Variants in LYN observed in about 807,000 individuals in gnomAD.
LYN encodes the protein LYN proto-oncogene, Src family tyrosine kinase, also known as tyrosine-protein kinase Lyn.
A neutral mutation model predicts 65.0 loss-of-function variants in LYN; 12 were observed. That is an observed-to-expected ratio of 0.18 (90% CI 0.12 to 0.30). LYN has a LOEUF of 0.30. LYN is among the 10% of genes least tolerant of loss of function. LYN has a pLI of 1.00. For synonymous variants in LYN, 222 were observed against 221.2 expected (o/e 1.00, Z -0.03); for missense variants, 380 against 623.2 (o/e 0.61, Z 4.16).
intron 1 of LYN, among the ~76,000 whole-genome samples, chr8:55,903,053 C>T (rs562405703): frequency 4.4e-4 from 67 of 152,260 alleles, no homozygotes; most frequent in African/African-American, 1.4e-3. Context: ...TTCACCATAT[C>T]GGCCAGGCTG....
chr8:55,923,830 C>T (rs920723850), intron 1 of LYN, among the ~76,000 whole-genome samples: 8 of 151,750 alleles, frequency 5.3e-5, no homozygotes, highest in Admixed American at 2.6e-4. Context: ...TGAGCCACCG[C>T]GCCCGGCCAA....
Position 55,879,885 on chromosome 8 carries a change from G to T in LYN, c.-224G>T, listed in dbSNP as rs1804593948. 5.3e-6 allele frequency: 1 copy of T among 188,832 alleles called. No individual in the cohort carries two copies. The highest frequency in any genetic ancestry group is 5.8e-4 in the Middle Eastern group (1 of 1,722). 11.7% of individuals were successfully genotyped at this position (188,832 alleles called of 1,614,324 possible). On this transcript the variant is annotated 5_prime_UTR_variant, in exon 1 of 13. Transcript: ENST00000519728. Reference sequence around the variant, plus strand: ...GCGCTGCCGCTCGCTCCCCGGCCGTGGCGCCTCCGGGCCAGACGCGCTGCA... The same window carrying T: ...GCGCTGCCGCTCGCTCCCCGGCCGTTGCGCCTCCGGGCCAGACGCGCTGCA...
rs796254670 is a variant in LYN, at chr8:55,911,215, G to GTA, written c.-5-30629_-5-30628dup. Among the ~76,000 whole-genome samples, 16 of 11,590 alleles carry GTA rather than the reference G, an allele frequency of 1.4e-3. 3 individuals carry two copies. The highest frequency in any genetic ancestry group is 2.6e-3 in the African/African-American group (16 of 6,144). The allele number at this position is 11,590 out of a possible 152,430, so 7.6% of individuals were successfully genotyped here. On this transcript the variant is annotated intron_variant, in intron 1 of 12. Coordinates refer to ENST00000519728, the MANE Select transcript of LYN (RefSeq NM_002350.4). ...CACACACACATATATATATACACGTGTATATATATATACATATACATATAT... is the reference window on the plus strand; with the variant it reads ...CACACACACATATATATATACACGTGTATATATATATATACATATACATATAT...
intron 1 of LYN, among the ~76,000 whole-genome samples, chr8:55,924,700 A>G (rs1563513013): frequency 6.6e-6 from 1 of 152,122 alleles, no homozygotes; most frequent in Non-Finnish European, 1.5e-5. Flanking sequence ...GGATCCAGCC[A>G]TGACCTTCCA....
intron 1 of LYN, among the ~76,000 whole-genome samples, chr8:55,937,686 T>C (rs1806475324): frequency 6.6e-6 from 1 of 151,854 alleles, no homozygotes; most frequent in South Asian, 2.1e-4. Flanking sequence ...TAAGAGTGAG[T>C]TTTGTTTTGT....
intron 8 of LYN, 95 bp downstream of exon 8, chr8:55,954,079 C>T (rs767713659): frequency 7.6e-7 from 1 of 1,318,530 alleles, no homozygotes; most frequent in South Asian, 1.3e-5. Flanking sequence ...GAGCCAGACA[C>T]TAAATTATGT....
intron 12 of LYN, among the ~76,000 whole-genome samples, chr8:56,004,035 C>T (rs1225424893): frequency 2.0e-5 from 3 of 147,436 alleles, no homozygotes; most frequent in Admixed American, 7.0e-5. Flanking sequence ...TGAGTTCAAG[C>T]GATTCTCCTG....
rs1288073163 is a variant in LYN at position 55,969,806 on chromosome 8, A to G, written c.1050+13A>G. The G allele has an allele frequency of 1.9e-6, 3 of 1,613,088 alleles. No individual in the cohort carries two copies. Among genetic ancestry groups the G allele is most frequent in the Non-Finnish European group, 2.5e-6 (3 of 1,179,134 alleles). ...CTTTTCTGCTCAGGTAACATATTCA[A>G]AAAGCCCCGTGTGCACGTGCATTTG... On this transcript the variant is annotated intron_variant, in intron 10 of 12. Transcript: ENST00000519728.
At chr8:55,905,727 C>T (rs772632989) in intron 1 of LYN, among the ~76,000 whole-genome samples, 10 of 152,144 alleles carry the variant, frequency 6.6e-5, no homozygotes, top group Non-Finnish European at 1.3e-4. Flanking sequence ...CCTCACTCCT[C>T]TCCCATCTGT....
At chr8:55,998,599 A>G in intron 11 of LYN, 100 bp downstream of exon 11, 1 of 1,104,708 alleles carries the variant, frequency 9.1e-7, no homozygotes, top group Non-Finnish European at 1.3e-6. Context: ...ATTAAGAAAA[A>G]CTTATTTGGT....
intron 10 of LYN, among the ~76,000 whole-genome samples, chr8:55,983,537 C>A (rs1807988901): frequency 6.6e-6 from 1 of 150,968 alleles, no homozygotes; most frequent in South Asian, 2.1e-4. Context: ...TTCTTCCCCA[C>A]CCGCCCTCTC....
intron 1 of LYN, among the ~76,000 whole-genome samples, chr8:55,929,700 T>C (rs1806204817): frequency 1.3e-5 from 2 of 152,318 alleles, no homozygotes; most frequent in East Asian, 1.9e-4. Context: ...ATCCAGTGGG[T>C]AGAGGCCAAG....
At chr8:55,897,671 G>A (rs1261572044) in intron 1 of LYN, among the ~76,000 whole-genome samples, 5 of 152,104 alleles carry the variant, frequency 3.3e-5, no homozygotes, top group Non-Finnish European at 5.9e-5. Context: ...TAGCACTTTG[G>A]GAGGCCGAGG....
intron 1 of LYN, among the ~76,000 whole-genome samples, chr8:55,926,375 T>C (rs1482492518): frequency 6.6e-6 from 1 of 152,254 alleles, no homozygotes; most frequent in Non-Finnish European, 1.5e-5. Context: ...TGACTATGCA[T>C]GTATAGATGT....
intron 1 of LYN, among the ~76,000 whole-genome samples, chr8:55,939,000 A>G (rs983914780): frequency 2.0e-5 from 3 of 152,264 alleles, no homozygotes; most frequent in Non-Finnish European, 4.4e-5. Context: ...AATGTGTAAT[A>G]GAAGAATACT....
At chr8:55,924,719 T>G (rs1806052185) in intron 1 of LYN, among the ~76,000 whole-genome samples, 1 of 152,092 alleles carries the variant, frequency 6.6e-6, no homozygotes, top group Admixed American at 6.6e-5. Flanking sequence ...CATTTCCTCT[T>G]TTTCACCTTT....
Position 55,999,453 on chromosome 8 carries a change from G to A in LYN, c.1240G>A (p.Ala414Thr). The change falls in exon 12 of 13, where the codon GCA becomes ACA. Residue 414 changes from alanine to threonine, a missense_variant. Transcript: ENST00000519728. ...CCCTATTAAGTGGACGGCTCCAGAA[G>A]CAATCAACTTTGGATGTTTCACTAT... Reference protein sequence around the residue: ...KFPIKWTAPEAINFGCFTIKS... With the variant: ...KFPIKWTAPETINFGCFTIKS... 6.2e-7 allele frequency: 1 copy of A among 1,613,888 alleles called. No individual in the cohort carries two copies. The highest frequency in any genetic ancestry group is 8.5e-7 in the Non-Finnish European group (1 of 1,179,778).
chr8:55,965,833 A>G lies in LYN; in HGVS notation c.791-882A>G, dbSNP rs543604105. 3.9e-5 allele frequency among the ~76,000 whole-genome samples: 6 copies of G among 152,258 alleles called. No homozygotes were observed. In the East Asian group the frequency reaches 1.2e-3, roughly 29 times the overall value. ...GAACATTTTATTATTAGAGAAAAAT[A>G]TTAGTCCTCGGCTGGGCACAGTGGC... On this transcript the variant is annotated intron_variant, in intron 8 of 12. Transcript: ENST00000519728.
At chr8:55,912,825 AT>A (rs1805678166) in intron 1 of LYN, among the ~76,000 whole-genome samples, 2 of 152,112 alleles carry the variant, frequency 1.3e-5, no homozygotes, top group Admixed American at 1.3e-4. Context: ...ATATTTCCTG[AT>A]TAAAAATATG....
Sources: gnomAD v4.1 joint callset for allele counts (sites outside exome capture counted in the v4.1 genomes callset) on GRCh38, gnomAD v4.1.1 for gene constraint, MANE v1.5 for transcripts, NCBI Gene and HGNC (gene_info 2026-07-23, HGNC 2026-07-21) for gene names.